The following PCDHA10 variants were observed in gnomAD, a reference collection of about 807,000 sequenced individuals.
The protein encoded by PCDHA10 is protocadherin alpha 10, also known as protocadherin alpha-10.
A neutral mutation model predicts 61.2 loss-of-function variants in PCDHA10; 45 were observed. The observed-to-expected ratio is 0.74, with a 90% confidence interval of 0.58 to 0.94. The LOEUF (loss-of-function observed/expected upper bound fraction) is 0.94. Ranked by LOEUF, PCDHA10 falls within the 40% of genes least tolerant of loss-of-function variation. The probability of loss-of-function intolerance (pLI) is 0.00; values close to 1 mark genes in which losing one functional copy is unlikely to be tolerated. For missense variants in PCDHA10, 1,278 were observed against 1,236.2 expected, an observed-to-expected ratio of 1.03 and a Z score of -0.51; for synonymous variants, 602 against 548.8, an observed-to-expected ratio of 1.10 and a Z score of -1.35.
At chr5:141,007,329 TTGCCTGAGCTCAG>T (rs1554261175) in intron 3 of PCDHA10, among the ~76,000 whole-genome samples, 2 of 149,734 alleles carry the variant, frequency 1.3e-5, no homozygotes. Context: ...AGTGGACAGA[TTGCCTGAGCTCAG>T]GAGTTCGAGA....
chr5:140,882,997 C>T, intron 1 of PCDHA10: 1 of 1,614,062 alleles, frequency 6.2e-7, no homozygotes, highest in East Asian at 2.2e-5. Context: ...CGGAATTTTA[C>T]CAATCCGTTT....
At chr5:140,920,889 T>G (rs1488579126) in intron 1 of PCDHA10, among the ~76,000 whole-genome samples, 2 of 150,044 alleles carry the variant, frequency 1.3e-5, no homozygotes, top group African/African-American at 4.9e-5. Context: ...GAACTTAAAG[T>G]CATATTTTGG....
intron 3 of PCDHA10, among the ~76,000 whole-genome samples, chr5:140,999,199 A>G (rs1354176825): frequency 2.0e-5 from 3 of 152,228 alleles, no homozygotes; most frequent in Non-Finnish European, 4.4e-5. Context: ...CTTGGAAAAG[A>G]GAATTTCTGG....
intron 1 of PCDHA10, chr5:140,928,174 C>T (rs2085016971): frequency 1.9e-6 from 3 of 1,614,060 alleles, no homozygotes; most frequent in African/African-American, 1.3e-5. Flanking sequence ...ACTTAGCACC[C>T]GAAGGACAAT....
intron 3 of PCDHA10, 167 bp from the exon 4 acceptor site, chr5:141,009,456 CAAAT>C (rs2098408902): frequency 8.4e-6 from 8 of 947,642 alleles, no homozygotes; most frequent in African/African-American, 3.5e-5. Context: ...AAAAATTAAA[CAAAT>C]AAATAAATAA....
chr5:140,954,225 A>C (rs1554221300), intron 1 of PCDHA10, among the ~76,000 whole-genome samples: 2 of 152,242 alleles, frequency 1.3e-5, no homozygotes, highest in African/African-American at 4.8e-5. Context: ...TGCTATTGTG[A>C]ATAGTGCTGC....
intron 1 of PCDHA10, among the ~76,000 whole-genome samples, chr5:140,936,591 G>T (rs1188475668): frequency 6.6e-6 from 1 of 152,180 alleles, no homozygotes; most frequent in Non-Finnish European, 1.5e-5. Context: ...CAGTTAGATT[G>T]CCTACTTTCC....
At chr5:140,883,106 T>C (rs782515785) in intron 1 of PCDHA10, 3 of 1,614,124 alleles carry the variant, frequency 1.9e-6, no homozygotes, top group Non-Finnish European at 2.5e-6. Context: ...TATAGTTTAC[T>C]CATTTAGAAG....
At chr5:140,931,460 G>GA (rs3836748) in intron 1 of PCDHA10, among the ~76,000 whole-genome samples, 48,962 of 151,596 alleles carry the variant, frequency 0.32, 8,170 homozygotes, top group East Asian at 0.53. Flanking sequence ...AAAAATATAG[G>GA]AATGACAGAG....
Position 141,009,469 on chromosome 5 carries a change from A to G in PCDHA10, c.2537-158A>G, listed in dbSNP as rs1440766583. On this transcript the variant is annotated intron_variant, in intron 3 of 3. Transcript: ENST00000307360. Reference sequence around the variant, plus strand: ...AAAAAAATTAAACAAATAAATAAATAAGTAAACACTTGCCTTGCCCTCAGA... The same window carrying G: ...AAAAAAATTAAACAAATAAATAAATGAGTAAACACTTGCCTTGCCCTCAGA... 6 of 956,242 alleles carry G rather than the reference A, an allele frequency of 6.3e-6. No homozygotes were observed. The African/African-American group carries it at 7.1e-5, about 11-fold the overall frequency. 59.2% of individuals were successfully genotyped at this position (956,242 alleles called of 1,614,324 possible). A position where few individuals can be genotyped will look rare whatever the true frequency, so the allele number is the denominator to read the frequency against.
Position 140,856,558 on chromosome 5 carries a change from A to C in PCDHA10, c.510A>C (p.Lys170Asn), listed in dbSNP as rs372031038. ...DVGENALLTY[K>N]LSPNEYFVLD... ...GAGAGAACGCATTGCTTACTTACAAACTCAGTCCAAATGAGTATTTTGTTC... is the reference window on the plus strand; with the variant it reads ...GAGAGAACGCATTGCTTACTTACAACCTCAGTCCAAATGAGTATTTTGTTC... Residue 170 changes from lysine (K) to asparagine (N), a missense_variant, in exon 1 of 4, where the codon AAA becomes AAC. Physicochemically the swap from Lys to Asn is moderately conservative, Grantham distance 94. Coordinates refer to ENST00000307360, the MANE Select transcript of PCDHA10 (RefSeq NM_018901.4). The C allele has an allele frequency of 1.3e-5, 21 of 1,598,088 alleles. 2 individuals are homozygous for C. The East Asian group carries it at 1.8e-4, about 14-fold the overall frequency.
chr5:140,978,758 C>A (rs925464508), intron 1 of PCDHA10, among the ~76,000 whole-genome samples, 191 bp from the exon 2 acceptor site: 6 of 152,148 alleles, frequency 3.9e-5, no homozygotes, highest in African/African-American at 1.4e-4. Context: ...TGTGTGAGGA[C>A]CCTGATGAAC....
chr5:140,974,884 T>A (rs1485443373), intron 1 of PCDHA10, among the ~76,000 whole-genome samples: 1 of 152,240 alleles, frequency 6.6e-6, no homozygotes, highest in Non-Finnish European at 1.5e-5. Context: ...TATGTATCCC[T>A]TTTCTGATGA....
At chr5:140,928,074 C>T (rs781992001) in intron 1 of PCDHA10, 1 of 1,614,216 alleles carries the variant, frequency 6.2e-7, no homozygotes, top group Admixed American at 1.7e-5. Flanking sequence ...TTGACAACTA[C>T]TACAGCCTGC....
intron 1 of PCDHA10, chr5:140,927,853 G>T: frequency 6.2e-7 from 1 of 1,614,214 alleles, no homozygotes; most frequent in Non-Finnish European, 8.5e-7. Context: ...CTTTGGTTTA[G>T]CTAGCACCGC....
At chr5:140,892,553 C>T (rs2063570808) in intron 1 of PCDHA10, among the ~76,000 whole-genome samples, 1 of 152,170 alleles carries the variant, frequency 6.6e-6, no homozygotes, top group South Asian at 2.1e-4. Flanking sequence ...TTTCTCTAGT[C>T]CTTGGAGACT....
intron 1 of PCDHA10, among the ~76,000 whole-genome samples, chr5:140,961,917 T>G (rs2095643057): frequency 6.6e-6 from 1 of 151,470 alleles, no homozygotes; most frequent in Non-Finnish European, 1.5e-5. Flanking sequence ...GGAGTCTCGC[T>G]CTGTTGCCCA....
At chr5:140,913,394 A>G (rs2076316460) in intron 1 of PCDHA10, among the ~76,000 whole-genome samples, 1 of 152,204 alleles carries the variant, frequency 6.6e-6, no homozygotes, top group Non-Finnish European at 1.5e-5. Flanking sequence ...CATAGCCACT[A>G]ATGATCCTTT....
intron 1 of PCDHA10, chr5:140,928,138 A>G (rs1554205540): frequency 1.9e-6 from 3 of 1,614,190 alleles, no homozygotes; most frequent in South Asian, 1.1e-5. Context: ...AGTCCTGATC[A>G]CGGCCTCAGA....
Sources: allele counts gnomAD v4.1 joint callset (sites outside exome capture counted in the v4.1 genomes callset), GRCh38; gene constraint gnomAD v4.1.1; transcripts MANE v1.5; gene names NCBI Gene and HGNC (gene_info 2026-07-23, HGNC 2026-07-21).